Variants in ASTN1 observed in about 807,000 individuals in gnomAD.
ASTN1 encodes the protein astrotactin-1.
Under a neutral mutation model 140.7 loss-of-function variants are expected in ASTN1, and 41 were observed. The observed-to-expected ratio is 0.29, with a 90% CI of 0.23 to 0.38. The LOEUF is 0.38. ASTN1 is among the 10% of genes least tolerant of loss of function. ASTN1 has a pLI of 1.00. For missense variants in ASTN1, 1,479 were observed against 1,678.8 expected (o/e 0.88, Z 2.08); for synonymous variants, 640 against 652.2 (o/e 0.98, Z 0.29).
rs553876753 is a variant in ASTN1, at chr1:177,142,773, T to TG, written c.283+21620_283+21621insC. 8.2e-3 allele frequency among the ~76,000 whole-genome samples: 1,247 copies of TG among 152,234 alleles called. 8 individuals carry two copies. The highest frequency in any genetic ancestry group is 0.02 in the Middle Eastern group (6 of 294). On this transcript the variant is annotated intron_variant, in intron 1 of 22. Transcript: ENST00000361833. ...GGAAGTCATTATTTAATCCAGCAAG[T>TG]TCCTGATTTCTATAAGGACAATGAA...
chr1:177,068,467 C>T (rs1678471513), intron 1 of ASTN1, among the ~76,000 whole-genome samples: 1 of 152,098 alleles, frequency 6.6e-6, no homozygotes, highest in African/African-American at 2.4e-5. Context: ...TGACATTACC[C>T]TTAAAGGCAA....
chr1:176,896,778 C>CGGTGT (rs1669524028), intron 16 of ASTN1, among the ~76,000 whole-genome samples: 1 of 152,138 alleles, frequency 6.6e-6, no homozygotes, highest in East Asian at 1.9e-4. Flanking sequence ...TTTGCAAATC[C>CGGTGT]TTACAACCAG....
At chr1:177,122,704 G>A (rs112337993) in intron 1 of ASTN1, among the ~76,000 whole-genome samples, 56 of 152,248 alleles carry the variant, frequency 3.7e-4, no homozygotes, top group African/African-American at 1.2e-3. Flanking sequence ...AGTGGTCAGC[G>A]CTCTGTCCAG....
At chr1:176,979,319 G>A (rs1341389997) in intron 8 of ASTN1, among the ~76,000 whole-genome samples, 2 of 152,170 alleles carry the variant, frequency 1.3e-5, no homozygotes, top group African/African-American at 4.8e-5. Context: ...GAGCAATGGT[G>A]GCTGACAGTC....
intron 5 of ASTN1, among the ~76,000 whole-genome samples, chr1:177,027,713 AGTGTGT>A (rs56405518): frequency 0.041 from 4,890 of 118,614 alleles, 238 homozygotes; most frequent in African/African-American, 0.13. Flanking sequence ...AACCCAGTAC[AGTGTGT>A]GTGTGTGTGT....
At chr1:177,122,393 G>C (rs1251245966) in intron 1 of ASTN1, among the ~76,000 whole-genome samples, 1 of 152,182 alleles carries the variant, frequency 6.6e-6, no homozygotes, top group Non-Finnish European at 1.5e-5. Context: ...AATATCTGAG[G>C]ACACTGGAGC....
At chr1:176,936,161 A>T in intron 15 of ASTN1, 105 bp downstream of exon 15, 1 of 960,806 alleles carries the variant, frequency 1.0e-6, no homozygotes, top group Non-Finnish European at 1.7e-6. Flanking sequence ...TGCAATAGCT[A>T]CATTTTAGGC....
intron 1 of ASTN1, among the ~76,000 whole-genome samples, chr1:177,149,183 T>C (rs1682869825): frequency 8.6e-6 from 1 of 116,892 alleles, no homozygotes; most frequent in East Asian, 2.4e-4. Context: ...ATATATAGTG[T>C]ATATATATAG....
chr1:177,021,873 C>A (rs367566531), intron 7 of ASTN1, among the ~76,000 whole-genome samples: 1 of 152,206 alleles, frequency 6.6e-6, no homozygotes, highest in Non-Finnish European at 1.5e-5. Context: ...AGAGCCCCCA[C>A]CTCTGAGATT....
chr1:177,076,474 A>G (rs1397741507), intron 1 of ASTN1, among the ~76,000 whole-genome samples: 2 of 151,626 alleles, frequency 1.3e-5, no homozygotes, highest in Non-Finnish European at 2.9e-5. Flanking sequence ...AAGGATGGGA[A>G]AAGAAAAGAC....
chr1:176,983,198 G>A (rs1021359889), intron 8 of ASTN1, among the ~76,000 whole-genome samples: 5 of 152,132 alleles, frequency 3.3e-5, no homozygotes, highest in African/African-American at 9.7e-5. Context: ...CACAAGGGTC[G>A]TGGAAGGCAG....
intron 2 of ASTN1, among the ~76,000 whole-genome samples, chr1:177,042,404 T>G (rs1253333127): frequency 1.3e-5 from 2 of 152,190 alleles, no homozygotes; most frequent in African/African-American, 4.8e-5. Context: ...AGTTTTGTGA[T>G]GATCTCAAAG....
At chr1:176,948,189 T>G (rs971795716) in intron 12 of ASTN1, among the ~76,000 whole-genome samples, 2 of 152,162 alleles carry the variant, frequency 1.3e-5, no homozygotes, top group Non-Finnish European at 2.9e-5. Flanking sequence ...TGTGAGATCC[T>G]TGAGGGCAAG....
chr1:177,096,974 C>T (rs1680056856), intron 1 of ASTN1, among the ~76,000 whole-genome samples: 1 of 152,074 alleles, frequency 6.6e-6, no homozygotes, highest in Admixed American at 6.6e-5. Flanking sequence ...CCTCACTAGA[C>T]ACTGAATCTG....
intron 2 of ASTN1, among the ~76,000 whole-genome samples, chr1:177,052,351 T>A (rs1677581401): frequency 6.6e-6 from 1 of 152,218 alleles, no homozygotes; most frequent in African/African-American, 2.4e-5. Flanking sequence ...TACTTCCCTA[T>A]AGGCCAGGCA....
rs113053395 is a variant in ASTN1 at position 176,922,970 on chromosome 1, T to C, written c.2671+11182A>G. Reference sequence around the variant, plus strand: ...AAAAAATACTAGATATTGCGCTTTATGTATAAACCTTGTATCCAATCCTGG... The same window carrying C: ...AAAAAATACTAGATATTGCGCTTTACGTATAAACCTTGTATCCAATCCTGG... On this transcript the variant is annotated intron_variant, in intron 16 of 22. Transcript: ENST00000361833. Among the ~76,000 whole-genome samples, 438 of 152,322 alleles carry C rather than the reference T, an allele frequency of 2.9e-3. 1 individual carries two copies. Among genetic ancestry groups the C allele is most frequent in the African/African-American group, 9.8e-3 (406 of 41,572 alleles).
At chr1:177,016,313 TAAAA>T (rs35104433) in intron 7 of ASTN1, among the ~76,000 whole-genome samples, 2 of 127,150 alleles carry the variant, frequency 1.6e-5, no homozygotes, top group Non-Finnish European at 3.3e-5. Flanking sequence ...TCTTCATTTG[TAAAA>T]AAAAAAAAAA....
chr1:177,093,873 T>C (rs760021040), intron 1 of ASTN1, among the ~76,000 whole-genome samples: 2 of 152,236 alleles, frequency 1.3e-5, no homozygotes, highest in African/African-American at 2.4e-5. Context: ...ATTATGTGTG[T>C]ATACATGGGC....
At chr1:176,905,960 G>A (rs1669980837) in intron 16 of ASTN1, among the ~76,000 whole-genome samples, 1 of 152,196 alleles carries the variant, frequency 6.6e-6, no homozygotes, top group Non-Finnish European at 1.5e-5. Context: ...GAAACAAAGG[G>A]GACAAAAGGA....
Sources: allele counts gnomAD v4.1 joint callset (sites outside exome capture counted in the v4.1 genomes callset), GRCh38; gene constraint gnomAD v4.1.1; transcripts MANE v1.5; gene names NCBI Gene and HGNC (gene_info 2026-07-23, HGNC 2026-07-21).